FOXN2: variants seen among roughly 807,000 people sequenced by gnomAD.
The protein encoded by FOXN2 is forkhead box protein N2.
FOXN2 carries 19 observed loss-of-function variants against 41.2 expected under a neutral mutation model. That is an observed-to-expected ratio of 0.46 (90% confidence interval 0.32 to 0.68). The LOEUF is 0.68. Among genes scored for constraint, FOXN2 ranks in the 30% least tolerant of loss-of-function variants. The pLI, the probability that FOXN2 is intolerant of heterozygous loss-of-function variation, is 0.03. For missense variants in FOXN2, 587 were observed against 509.4 expected (o/e 1.15, Z -1.47); for synonymous variants, 195 against 176.8 (o/e 1.10, Z -0.82).
chr2:48,368,481 A>C (rs1029279007), intron 5 of FOXN2, among the ~76,000 whole-genome samples: 16 of 152,176 alleles, frequency 1.1e-4, no homozygotes, highest in Non-Finnish European at 1.9e-4. Flanking sequence ...CCTGGGCAAC[A>C]TGGTGAAACC....
chr2:48,365,694 A>AT (rs1672485674), intron 5 of FOXN2, among the ~76,000 whole-genome samples: 1 of 152,186 alleles, frequency 6.6e-6, no homozygotes, highest in South Asian at 2.1e-4. Context: ...TCCTATATGC[A>AT]TGAGTCTTAG....
chr2:48,355,069 A>G (rs1671701454), intron 3 of FOXN2, among the ~76,000 whole-genome samples: 1 of 152,286 alleles, frequency 6.6e-6, no homozygotes, highest in Admixed American at 6.5e-5. Context: ...TCTCCCCTAG[A>G]GTAACATTCA....
intron 5 of FOXN2, among the ~76,000 whole-genome samples, chr2:48,366,669 A>G (rs1157874077): frequency 6.6e-6 from 1 of 151,888 alleles, no homozygotes; most frequent in East Asian, 1.9e-4. Context: ...TGCATTATCT[A>G]ATTTAATCCT....
At chr2:48,347,430 G>A (rs1671182632) in intron 3 of FOXN2, among the ~76,000 whole-genome samples, 1 of 151,720 alleles carries the variant, frequency 6.6e-6, no homozygotes, top group Non-Finnish European at 1.5e-5. Context: ...GTTTTGCCAT[G>A]TTGTCCAGAC....
In FOXN2 at chr2:48,378,783, G is replaced by T. The variant is rs1306367355; in HGVS notation, c.*3340G>T. 6.6e-6 allele frequency: 1 copy of T among 151,850 alleles called. No homozygotes were observed. Among genetic ancestry groups the T allele is most frequent in the East Asian group, 1.9e-4 (1 of 5,182 alleles). 9.4% of individuals were successfully genotyped at this position (151,850 alleles called of 1,614,324 possible). On this transcript the variant is annotated 3_prime_UTR_variant, in exon 7 of 7. Coordinates refer to ENST00000340553, the MANE Select transcript of FOXN2 (RefSeq NM_002158.4). ...ATGTAGTAAAAATATTTATTGAAAG[G>T]TGAATTCGAGTATTTTAATGTTATA...
Position 48,346,524 on chromosome 2 carries a change from C to T in FOXN2, c.310C>T (p.Pro104Ser). 6.2e-7 allele frequency: 1 copy of T among 1,612,824 alleles called. No homozygotes were observed. Among genetic ancestry groups the T allele is most frequent in the Non-Finnish European group, 8.5e-7 (1 of 1,179,654 alleles). The change falls in exon 3 of 7, where the codon CCA becomes TCA. Residue 104 changes from proline (P) to serine (S), a missense_variant. Transcript: ENST00000340553. The stretch of plus-strand genomic sequence containing the variant: ...CTTTGGACCAGCTTGCTACCAGAAC[C>T]CAGAAAAAAAATCAGCGACTTCAAA... ...PSFGPACYQN[P>S]EKKSATSKPP...
intron 2 of FOXN2, chr2:48,340,911 T>C (rs1269712241): frequency 2.6e-5 from 4 of 152,236 alleles, no homozygotes. Flanking sequence ...AACACAAATG[T>C]GTACTTTGCT....
intron 3 of FOXN2, among the ~76,000 whole-genome samples, chr2:48,350,164 G>A (rs966959778): frequency 1.6e-4 from 25 of 152,194 alleles, no homozygotes; most frequent in African/African-American, 5.1e-4. Context: ...CTAGTGGTTG[G>A]CATATTGAAC....
chr2:48,334,567 C>G (rs775075316), intron 2 of FOXN2, among the ~76,000 whole-genome samples: 1 of 152,154 alleles, frequency 6.6e-6, no homozygotes, highest in African/African-American at 2.4e-5. Flanking sequence ...ACCTAAAATG[C>G]TGGATAAAAT....
chr2:48,351,989 G>A (rs189418149), intron 3 of FOXN2, among the ~76,000 whole-genome samples: 4 of 152,300 alleles, frequency 2.6e-5, no homozygotes, highest in African/African-American at 9.6e-5. Context: ...TACGAGAGCA[G>A]GGTGGAAAAG....
chr2:48,327,029 A>G (rs952751895), intron 1 of FOXN2, among the ~76,000 whole-genome samples: 2 of 152,090 alleles, frequency 1.3e-5, no homozygotes, highest in Admixed American at 6.6e-5. Context: ...GTGAAAATGG[A>G]GAAATGTGGA....
intron 2 of FOXN2, among the ~76,000 whole-genome samples, chr2:48,338,559 G>A (rs1670524123): frequency 6.6e-6 from 1 of 152,000 alleles, no homozygotes; most frequent in South Asian, 2.1e-4. Context: ...TCGCCACCAG[G>A]CCCAGCTAAT....
intron 2 of FOXN2, among the ~76,000 whole-genome samples, chr2:48,337,122 C>T (rs1489666188): frequency 2.0e-5 from 3 of 151,712 alleles, no homozygotes; most frequent in African/African-American, 7.3e-5. Context: ...CTACCTTTCC[C>T]AGCCTCTAGT....
At chr2:48,343,823 T>C (rs760231555) in intron 2 of FOXN2, among the ~76,000 whole-genome samples, 2 of 152,100 alleles carry the variant, frequency 1.3e-5, no homozygotes, top group Admixed American at 6.5e-5. Context: ...AGGGCATTTA[T>C]TGAACTAAGG....
intron 2 of FOXN2, among the ~76,000 whole-genome samples, chr2:48,337,486 G>A (rs374344245): frequency 6.6e-6 from 1 of 151,002 alleles, no homozygotes; most frequent in East Asian, 1.9e-4. Flanking sequence ...GTTTTTTTTT[G>A]GTACAGATGG....
chr2:48,343,002 T>A (rs892189794), intron 2 of FOXN2, among the ~76,000 whole-genome samples: 1 of 152,244 alleles, frequency 6.6e-6, no homozygotes, highest in African/African-American at 2.4e-5. Flanking sequence ...AAATTACTTA[T>A]GAGAAAATTT....
chr2:48,324,990 C>T (rs17037271), intron 1 of FOXN2, among the ~76,000 whole-genome samples: 13,773 of 152,126 alleles, frequency 0.091, 695 homozygotes, highest in South Asian at 0.18. Context: ...GTTAGAATAT[C>T]AAAAGCAAGC....
intron 3 of FOXN2, among the ~76,000 whole-genome samples, chr2:48,347,731 C>G (rs1023526098): frequency 2.6e-5 from 4 of 152,134 alleles, no homozygotes; most frequent in African/African-American, 4.8e-5. Context: ...ACCTGATGCC[C>G]TATTGGATTA....
At chr2:48,318,638 G>A (rs1269377760) in intron 1 of FOXN2, among the ~76,000 whole-genome samples, 1 of 152,178 alleles carries the variant, frequency 6.6e-6, no homozygotes, top group Non-Finnish European at 1.5e-5. Context: ...TTTGATTCAT[G>A]TATTTGTAAT....
Sources: gnomAD v4.1 joint callset for allele counts (sites outside exome capture counted in the v4.1 genomes callset) on GRCh38, gnomAD v4.1.1 for gene constraint, MANE v1.5 for transcripts, NCBI Gene and HGNC (gene_info 2026-07-23, HGNC 2026-07-21) for gene names.